DNAH17: variants seen among roughly 807,000 people sequenced by gnomAD.
DNAH17 encodes the protein axonemal beta dynein heavy chain 17.
In DNAH17, 376 loss-of-function variants were observed where a neutral mutation model predicts 485.6. That is an observed-to-expected ratio of 0.77 (90% CI 0.71 to 0.84). The LOEUF (loss-of-function observed/expected upper bound fraction) is 0.84, where lower values mean the gene tolerates loss of function less well. DNAH17 is among the 40% of genes least tolerant of loss of function. The probability of loss-of-function intolerance (pLI) is 0.00; values close to 1 mark genes in which losing one functional copy is unlikely to be tolerated. For missense variants in DNAH17, 6,370 were observed against 5,839.3 expected (o/e 1.09, Z -2.96); for synonymous variants, 3,031 against 2,405.9 (o/e 1.26, Z -7.60).
intron 17 of DNAH17, among the ~76,000 whole-genome samples, chr17:78,542,457 G>A (rs1465746365): frequency 1.3e-5 from 2 of 152,112 alleles, no homozygotes; most frequent in East Asian, 1.9e-4. Context: ...CGTTATTTGA[G>A]CTCAAGGGAG....
At chr17:78,479,164 C>T (rs755727549) in intron 50 of DNAH17, 48 bp from the exon 51 acceptor site, 1 of 1,577,118 alleles carries the variant, frequency 6.3e-7, no homozygotes, top group Non-Finnish European at 8.7e-7. Context: ...CTTGATGGCC[C>T]CAGGAAGTGC....
chr17:78,433,441 C>G (rs77534087), intron 75 of DNAH17, among the ~76,000 whole-genome samples: 3,145 of 152,386 alleles, frequency 0.021, 113 homozygotes, highest in African/African-American at 0.072. Context: ...CCTGTGCCTC[C>G]TGCTGCAGAC....
chr17:78,484,854 C>A lies in DNAH17; in HGVS notation c.7649+14G>T, dbSNP rs1478500849. The A allele has an allele frequency of 6.5e-7, 1 of 1,532,680 alleles. No homozygotes were observed. The highest frequency in any genetic ancestry group is 1.2e-5 in the South Asian group (1 of 81,736). 94.9% of individuals were successfully genotyped at this position (1,532,680 alleles called of 1,614,324 possible). A position where few individuals can be genotyped will look rare whatever the true frequency, so the allele number is the denominator to read the frequency against. On this transcript the variant is annotated intron_variant, in intron 48 of 80. Coordinates refer to ENST00000389840, the MANE Select transcript of DNAH17 (RefSeq NM_173628.4). ...CGGGGCCACGCCTTCCCCTCCGGCC[C>A]CGCCCCGTCTAACCAGTGCCGGTGG...
At chr17:78,461,192 G>A (rs574890235) in intron 58 of DNAH17, among the ~76,000 whole-genome samples, 125 of 152,202 alleles carry the variant, frequency 8.2e-4, no homozygotes, top group African/African-American at 2.6e-3. Flanking sequence ...CCATGCTCAC[G>A]GATCGCGGGC....
At chr17:78,453,573 A>T (rs1371680201) in intron 64 of DNAH17, 108 bp from the exon 65 acceptor site, 32 of 1,438,170 alleles carry the variant, frequency 2.2e-5, no homozygotes, top group Non-Finnish European at 2.9e-5. Context: ...GCGCCAAGCG[A>T]GGGGTGACCT....
intron 19 of DNAH17, among the ~76,000 whole-genome samples, chr17:78,533,707 C>T (rs911933632): frequency 2.6e-5 from 4 of 152,080 alleles, no homozygotes; most frequent in African/African-American, 9.7e-5. Context: ...CTTTTTGAGA[C>T]AGAGTTTCGG....
chr17:78,576,950 G>A (rs1363461641), intron 1 of DNAH17, among the ~76,000 whole-genome samples: 4 of 152,172 alleles, frequency 2.6e-5, no homozygotes, highest in Non-Finnish European at 5.9e-5. Context: ...CTTCCGGAGG[G>A]GCAGAGACGG....
chr17:78,544,584 C>T (rs1453145642), intron 16 of DNAH17, among the ~76,000 whole-genome samples: 3 of 151,972 alleles, frequency 2.0e-5, no homozygotes, highest in African/African-American at 7.3e-5. Flanking sequence ...AGGCGGATCA[C>T]GAGGTCAGGA....
chr17:78,488,466 G>A (rs565278592), intron 44 of DNAH17, among the ~76,000 whole-genome samples: 11 of 152,152 alleles, frequency 7.2e-5, no homozygotes, highest in East Asian at 1.9e-4. Flanking sequence ...CGCTGCCTTC[G>A]TTTCTGGCTC....
At position 78,439,144 on chromosome 17, in the gene DNAH17, C is replaced by A. The variant is rs753730934; in HGVS notation, c.11751G>T (p.Val3917=). 6.2e-7 allele frequency: 1 copy of A among 1,613,708 alleles called. No homozygotes were observed. Among genetic ancestry groups the A allele is most frequent in the South Asian group, 1.1e-5 (1 of 91,076 alleles). ...CAGCCACGTCCAGGGCGTTCTCAGC[C>A]ACCACCTCTTGTCCCTGCCCCAGGG... ...NVSLGQGQEV[V]AENALDVAAE... is the part of the protein sequence containing the mutation. Residue 3917 remains valine (V), a synonymous_variant, in exon 73 of 81, where the codon GTG becomes GTT. Transcript: ENST00000389840.
intron 16 of DNAH17, among the ~76,000 whole-genome samples, chr17:78,546,785 A>G (rs1018830288): frequency 1.3e-5 from 2 of 152,164 alleles, no homozygotes; most frequent in Admixed American, 1.3e-4. Flanking sequence ...CCATGCCTGT[A>G]ATCCCAGCTA....
Position 78,439,075 on chromosome 17 carries a change from C to G in DNAH17, c.11805+15G>C. The G allele has an allele frequency of 6.2e-7, 1 of 1,611,848 alleles. No individual in the cohort carries two copies. Among genetic ancestry groups the G allele is most frequent in the Non-Finnish European group, 8.5e-7 (1 of 1,179,314 alleles). On this transcript the variant is annotated intron_variant, in intron 73 of 80. Transcript: ENST00000389840. Reference sequence around the variant, plus strand: ...TGCGGGGAGCCCTTACCCTGCAGTGCTGGCCCCCTCGTACCTGCAGAATGA... The same window carrying G: ...TGCGGGGAGCCCTTACCCTGCAGTGGTGGCCCCCTCGTACCTGCAGAATGA...
At position 78,571,475 on chromosome 17, in the gene DNAH17, G is replaced by A. The variant is rs528231447; in HGVS notation, c.733-97C>T. The stretch of plus-strand genomic sequence containing the variant: ...GGCTGGCTGGAGCTGCAGAATTTAC[G>A]CAGGTCATCAGAGCCCTCAGGACTC... On this transcript the variant is annotated intron_variant, in intron 4 of 80. Coordinates refer to ENST00000389840, the MANE Select transcript of DNAH17 (RefSeq NM_173628.4). 1.1e-4 allele frequency: 158 copies of A among 1,478,552 alleles called. No individual in the cohort carries two copies. The East Asian group carries it at 1.9e-3, about 18-fold the overall frequency. 91.6% of individuals were successfully genotyped at this position (1,478,552 alleles called of 1,614,324 possible). A position where few individuals can be genotyped will look rare whatever the true frequency, so the allele number is the denominator to read the frequency against.
intron 11 of DNAH17, among the ~76,000 whole-genome samples, chr17:78,562,347 G>A (rs976249783): frequency 6.6e-6 from 1 of 152,206 alleles, no homozygotes; most frequent in Admixed American, 6.5e-5. Context: ...ACTTTGAGGG[G>A]CCGAGGCGGG....
At chr17:78,511,000 C>G (rs900471457) in intron 26 of DNAH17, among the ~76,000 whole-genome samples, 1 of 152,200 alleles carries the variant, frequency 6.6e-6, no homozygotes, top group Non-Finnish European at 1.5e-5. Flanking sequence ...GCCTGGAGCC[C>G]CCAGAAGCTG....
chr17:78,437,815 G>A lies in DNAH17; in HGVS notation c.11859C>T (p.His3953=), dbSNP rs1280460896. 8 of 1,612,434 alleles carry A rather than the reference G, an allele frequency of 5.0e-6. No homozygotes were observed. The highest frequency in any genetic ancestry group is 6.8e-6 in the Non-Finnish European group (8 of 1,179,702). The change falls in exon 74 of 81, where the codon CAC becomes CAT. Residue 3953 remains histidine (H), a synonymous_variant. Transcript: ENST00000389840. ...AGTCCTCATGGCTGCCCGTGCTGTA[G>A]TGCTCCAGCTTCTTGTCCAGTGTTC... is the stretch of plus-strand genomic sequence containing the variant. ...WLGTLDKKLE[H]YSTGSHEDYR...
Position 78,445,721 on chromosome 17 carries a change from A to G in DNAH17, c.11212-41T>C, listed in dbSNP as rs538813845. On this transcript the variant is annotated intron_variant, in intron 69 of 80. Transcript: ENST00000389840. ...GGTGTACACACTTAACGCAGCCAGT[A>G]AAACGTCAGCAGCCCTGAAGATGCG... The G allele has an allele frequency of 2.5e-6, 4 of 1,575,282 alleles. No homozygotes were observed. The East Asian group carries it at 7.0e-5, about 27-fold the overall frequency.
At chr17:78,522,642 C>T (rs2090962373) in intron 25 of DNAH17, 1 of 222,642 alleles carries the variant, frequency 4.5e-6, no homozygotes, top group Non-Finnish European at 9.2e-6. Context: ...CAGGCCAGAG[C>T]TGCTGGCCGG....
chr17:78,522,027 C>T (rs945418073), intron 25 of DNAH17, among the ~76,000 whole-genome samples: 1 of 152,156 alleles, frequency 6.6e-6, no homozygotes, highest in Non-Finnish European at 1.5e-5. Flanking sequence ...GCGAAATACC[C>T]TGTTAAGAGA....
Sources: gnomAD v4.1 joint callset for allele counts (sites outside exome capture counted in the v4.1 genomes callset) on GRCh38, gnomAD v4.1.1 for gene constraint, MANE v1.5 for transcripts, NCBI Gene and HGNC (gene_info 2026-07-23, HGNC 2026-07-21) for gene names.